Variants in ALG5 observed in about 807,000 individuals in gnomAD.
ALG5 encodes dolichyl-phosphate beta-glucosyltransferase.
A neutral mutation model predicts 51.8 loss-of-function variants in ALG5; 26 were observed. That is an observed-to-expected ratio of 0.50 (90% confidence interval 0.37 to 0.70). ALG5 has a LOEUF of 0.70. ALG5 is among the 30% of genes least tolerant of loss of function. The pLI is 0.00. For missense variants in ALG5, 311 were observed against 399.3 expected (o/e 0.78, Z 1.88); for synonymous variants, 141 against 136.1 (o/e 1.04, Z -0.25).
intron 8 of ALG5, among the ~76,000 whole-genome samples, chr13:36,962,124 C>T (rs547370177): frequency 6.6e-6 from 1 of 152,296 alleles, no homozygotes; most frequent in East Asian, 1.9e-4. Flanking sequence ...TACTCCTTTA[C>T]AGATTTCTAG....
chr13:36,993,426 C>G (rs1052221863), intron 4 of ALG5, among the ~76,000 whole-genome samples, 178 bp downstream of exon 4: 2 of 152,312 alleles, frequency 1.3e-5, no homozygotes, highest in Non-Finnish European at 2.9e-5. Context: ...CAAAGCTTCC[C>G]TGGTCTTATG....
intron 5 of ALG5, 39 bp downstream of exon 5, chr13:36,989,445 C>T: frequency 1.3e-6 from 2 of 1,487,044 alleles, no homozygotes; most frequent in Non-Finnish European, 1.9e-6. Flanking sequence ...TTCAAGATAC[C>T]TTCATATTTT....
At chr13:36,955,688 A>G (rs2058836658) in intron 8 of ALG5, among the ~76,000 whole-genome samples, 1 of 99,628 alleles carries the variant, frequency 1.0e-5, no homozygotes, top group Non-Finnish European at 1.8e-5. Flanking sequence ...GAGATTGTGA[A>G]AAAAAAAAAA....
At chr13:36,993,761 C>T (rs2059036152) in intron 3 of ALG5, 89 bp from the exon 4 acceptor site, 1 of 1,014,768 alleles carries the variant, frequency 9.9e-7, no homozygotes, top group Non-Finnish European at 1.5e-6. Context: ...AAAACAACTG[C>T]TTTAGTGTTG....
chr13:36,953,337 T>A (rs1002960186), intron 8 of ALG5, among the ~76,000 whole-genome samples: 2 of 152,210 alleles, frequency 1.3e-5, no homozygotes, highest in African/African-American at 4.8e-5. Context: ...AAAGCCTCTT[T>A]TCAGTCAGTG....
intron 6 of ALG5, among the ~76,000 whole-genome samples, chr13:36,975,492 T>C (rs2058946163): frequency 6.6e-6 from 1 of 152,206 alleles, no homozygotes; most frequent in African/African-American, 2.4e-5. Flanking sequence ...ATAATAGTGC[T>C]GCATGGTAGT....
At chr13:36,962,843 T>C (rs1479695621) in intron 8 of ALG5, among the ~76,000 whole-genome samples, 3 of 152,320 alleles carry the variant, frequency 2.0e-5, no homozygotes, top group South Asian at 4.1e-4. Flanking sequence ...AATTTGAATA[T>C]ATAGTACAAA....
chr13:36,993,961 A>G (rs965933746), intron 3 of ALG5, among the ~76,000 whole-genome samples: 1 of 152,198 alleles, frequency 6.6e-6, no homozygotes, highest in African/African-American at 2.4e-5. Flanking sequence ...TTGTGGTGCT[A>G]TAGCACATTT....
intron 9 of ALG5, among the ~76,000 whole-genome samples, chr13:36,951,735 T>C (rs982971034): frequency 4.6e-5 from 7 of 152,246 alleles, no homozygotes; most frequent in South Asian, 2.1e-4. Flanking sequence ...TGTACAGATA[T>C]AGTTTTTAAA....
chr13:36,976,448 A>AG (rs1252772632), intron 6 of ALG5, among the ~76,000 whole-genome samples: 1 of 146,706 alleles, frequency 6.8e-6, no homozygotes, highest in Non-Finnish European at 1.5e-5. Flanking sequence ...AAAAAAAAAA[A>AG]AAGAAAAGAA....
chr13:36,996,880 G>A (rs764611692), intron 1 of ALG5, among the ~76,000 whole-genome samples: 2 of 152,152 alleles, frequency 1.3e-5, no homozygotes, highest in African/African-American at 2.4e-5. Context: ...TTAGGCTGAT[G>A]ACAAACTTTA....
At chr13:36,996,392 TTGATCTTTGAGGTC>T (rs561580408) in intron 1 of ALG5, among the ~76,000 whole-genome samples, 9 of 152,232 alleles carry the variant, frequency 5.9e-5, no homozygotes, top group Non-Finnish European at 2.9e-5. Flanking sequence ...CTCCTGAGGT[TTGATCTTTGAGGTC>T]TGATCTTTAC....
At chr13:36,965,337 TTCTACTG>T (rs1234218366) in intron 8 of ALG5, among the ~76,000 whole-genome samples, 1 of 48,366 alleles carries the variant, frequency 2.1e-5, no homozygotes, top group African/African-American at 8.9e-5. Flanking sequence ...GCCACTCAAT[TTCTACTG>T]TCTACAATTA....
intron 6 of ALG5, among the ~76,000 whole-genome samples, chr13:36,982,270 C>T (rs571891524): frequency 3.3e-5 from 5 of 152,206 alleles, no homozygotes; most frequent in South Asian, 2.1e-4. Context: ...TAAAAGGAGA[C>T]ATATTTGCAT....
intron 1 of ALG5, among the ~76,000 whole-genome samples, chr13:36,998,281 T>C (rs151128781): frequency 1.5e-3 from 232 of 152,290 alleles, no homozygotes; most frequent in African/African-American, 5.4e-3. Flanking sequence ...CTGAAATCTC[T>C]ACTAGTTAGG....
At chr13:36,951,214 A>T (rs923463888) in intron 9 of ALG5, among the ~76,000 whole-genome samples, 36 of 152,302 alleles carry the variant, frequency 2.4e-4, no homozygotes, top group Middle Eastern at 3.4e-3. Flanking sequence ...TCCCCACCTC[A>T]TCTTCCCATA....
Position 36,999,313 on chromosome 13 carries a change from GGCAGCCCGCC to G in ALG5, c.-23_-14del, listed in dbSNP as rs757806780. ...GAAGCGGAGCCATTCTCCATGCCGT[GGCAGCCCGCC>G]CAATCCCGCACCTCCACACAGGCGG... On this transcript the variant is annotated 5_prime_UTR_variant, in exon 1 of 10. Transcript: ENST00000239891. 6.4e-7 allele frequency: 1 copy of G among 1,567,898 alleles called. No individual in the cohort carries two copies. Among genetic ancestry groups the G allele is most frequent in the South Asian group, 1.2e-5 (1 of 86,448 alleles).
intron 6 of ALG5, among the ~76,000 whole-genome samples, chr13:36,982,474 T>C (rs2058984365): frequency 6.6e-6 from 1 of 152,268 alleles, no homozygotes. Flanking sequence ...TGCTTATTTG[T>C]GTAAATAAAG....
chr13:36,987,353 T>G (rs1317244602), intron 5 of ALG5, among the ~76,000 whole-genome samples: 1 of 152,154 alleles, frequency 6.6e-6, no homozygotes, highest in African/African-American at 2.4e-5. Context: ...CCCTCCAAAT[T>G]TCATATTGCA....
Sources: allele counts gnomAD v4.1 joint callset (sites outside exome capture counted in the v4.1 genomes callset), GRCh38; gene constraint gnomAD v4.1.1; transcripts MANE v1.5; gene names NCBI Gene and HGNC (gene_info 2026-07-23, HGNC 2026-07-21).